Variants in LMX1A observed in about 807,000 individuals in gnomAD.
LMX1A encodes LIM homeobox transcription factor 1 alpha.
In LMX1A, 15 loss-of-function variants were observed where a neutral mutation model predicts 49.1. That is an observed-to-expected ratio of 0.31 (90% CI 0.20 to 0.47). The LOEUF is 0.47. Ranked by LOEUF, LMX1A falls within the 20% of genes least tolerant of loss-of-function variation. The pLI is 1.00. For missense variants in LMX1A, 372 were observed against 475.8 expected, an observed-to-expected ratio of 0.78 and a Z score of 2.03; for synonymous variants, 167 against 185.7, an observed-to-expected ratio of 0.90 and a Z score of 0.82.
At chr1:165,352,942 C>A (rs1352465018) in intron 3 of LMX1A, 134 bp downstream of exon 3, 7 of 934,586 alleles carry the variant, frequency 7.5e-6, no homozygotes, top group Admixed American at 6.2e-5. Flanking sequence ...TACACGACTG[C>A]GCTGAAGGGA....
intron 6 of LMX1A, 119 bp downstream of exon 6, chr1:165,210,580 G>T: frequency 1.8e-6 from 1 of 545,204 alleles, no homozygotes; most frequent in South Asian, 4.8e-5. Context: ...TTTGAATCAA[G>T]AGAACTACTC....
At chr1:165,301,916 G>T (rs552143638) in intron 3 of LMX1A, among the ~76,000 whole-genome samples, 1 of 152,148 alleles carries the variant, frequency 6.6e-6, no homozygotes, top group South Asian at 2.1e-4. Flanking sequence ...ATTGGTTGGG[G>T]GTGGGGGGAA....
At chr1:165,235,240 C>G (rs1652385506) in intron 4 of LMX1A, among the ~76,000 whole-genome samples, 2 of 152,072 alleles carry the variant, frequency 1.3e-5, no homozygotes, top group South Asian at 4.1e-4. Flanking sequence ...TCAGCTCAGT[C>G]CAAAGGAAAT....
intron 4 of LMX1A, among the ~76,000 whole-genome samples, chr1:165,242,946 A>AC (rs1491054238): frequency 1.4e-5 from 2 of 142,512 alleles, no homozygotes; most frequent in Non-Finnish European, 3.1e-5. Context: ...AAAAAAAAAA[A>AC]ACAAAACAAA....
intron 4 of LMX1A, among the ~76,000 whole-genome samples, chr1:165,221,777 G>A (rs916517858): frequency 6.6e-6 from 1 of 152,142 alleles, no homozygotes; most frequent in South Asian, 2.1e-4. Context: ...CCTTGTGCTT[G>A]GCAGGTATTC....
At chr1:165,299,617 G>A (rs1161442782) in intron 3 of LMX1A, among the ~76,000 whole-genome samples, 1 of 152,174 alleles carries the variant, frequency 6.6e-6, no homozygotes, top group Non-Finnish European at 1.5e-5. Context: ...AGTAAAAGAT[G>A]CCTTAAACCC....
intron 3 of LMX1A, among the ~76,000 whole-genome samples, chr1:165,332,482 A>G (rs923614346): frequency 4.6e-5 from 7 of 152,204 alleles, no homozygotes; most frequent in African/African-American, 1.7e-4. Context: ...CATATGAAGT[A>G]CTATCCATTT....
chr1:165,341,561 T>C (rs1044209333), intron 3 of LMX1A, among the ~76,000 whole-genome samples: 1 of 148,294 alleles, frequency 6.7e-6, no homozygotes, highest in Non-Finnish European at 1.5e-5. Flanking sequence ...GAGCTTATGG[T>C]CTAGTGACAT....
intron 3 of LMX1A, among the ~76,000 whole-genome samples, chr1:165,339,749 G>T (rs1270476011): frequency 6.6e-6 from 1 of 152,136 alleles, no homozygotes; most frequent in Non-Finnish European, 1.5e-5. Context: ...GGAAGGAGTG[G>T]TTGGGAAGGA....
chr1:165,253,126 C>G (rs1463608099), intron 3 of LMX1A, among the ~76,000 whole-genome samples: 1 of 152,162 alleles, frequency 6.6e-6, no homozygotes, highest in African/African-American at 2.4e-5. Context: ...CAAGAGGATA[C>G]AAGACAGACA....
intron 3 of LMX1A, among the ~76,000 whole-genome samples, chr1:165,307,112 T>C (rs1276217495): frequency 6.6e-6 from 1 of 152,076 alleles, no homozygotes. Flanking sequence ...TTTCCAGAAA[T>C]GACAGTGAAA....
At chr1:165,267,821 G>A (rs1175246347) in intron 3 of LMX1A, among the ~76,000 whole-genome samples, 3 of 152,210 alleles carry the variant, frequency 2.0e-5, no homozygotes, top group African/African-American at 7.2e-5. Flanking sequence ...TCAGTACTGG[G>A]GAGGTCAGTG....
intron 3 of LMX1A, among the ~76,000 whole-genome samples, chr1:165,335,256 T>C (rs1571229189): frequency 6.6e-6 from 1 of 152,188 alleles, no homozygotes; most frequent in South Asian, 2.1e-4. Context: ...AAACTGTATA[T>C]GATTTTCTTA....
chr1:165,297,746 C>T (rs1266943448), intron 3 of LMX1A, among the ~76,000 whole-genome samples: 1 of 152,170 alleles, frequency 6.6e-6, no homozygotes, highest in African/African-American at 2.4e-5. Context: ...TCCAGGGAAG[C>T]CTGTGAACCA....
At chr1:165,262,853 A>C (rs952877841) in intron 3 of LMX1A, among the ~76,000 whole-genome samples, 3 of 152,070 alleles carry the variant, frequency 2.0e-5, no homozygotes, top group Admixed American at 1.3e-4. Flanking sequence ...TCTATTTACT[A>C]TCTCCAGTTC....
In LMX1A at chr1:165,281,847, G is replaced by A. The variant is rs777732761; in HGVS notation, c.264-32207C>T. 1.0e-3 allele frequency among the ~76,000 whole-genome samples: 154 copies of A among 152,002 alleles called. 1 individual carries two copies. The highest frequency in any genetic ancestry group is 3.1e-3 in the Admixed American group (48 of 15,270). On this transcript the variant is annotated intron_variant, in intron 3 of 8. Coordinates refer to ENST00000342310, the MANE Select transcript of LMX1A (RefSeq NM_177398.4). ...ATAAATGTTCAGAAAGTTACCTGTC[G>A]ACTGACCAGCAATTCTGCTGACTTT...
chr1:165,245,631 CA>C (rs10708273), intron 4 of LMX1A, among the ~76,000 whole-genome samples: 98,316 of 142,774 alleles, frequency 0.69, 33,271 homozygotes, highest in East Asian at 0.92. Flanking sequence ...CTGACCAGGG[CA>C]AAAAAAAAAA....
chr1:165,228,521 AG>A (rs1432757599), intron 4 of LMX1A, among the ~76,000 whole-genome samples: 1 of 152,206 alleles, frequency 6.6e-6, no homozygotes, highest in African/African-American at 2.4e-5. Flanking sequence ...TTAGTTCTTC[AG>A]GGTGACAAAG....
chr1:165,213,354 C>T, intron 5 of LMX1A: 1 of 324,882 alleles, frequency 3.1e-6, no homozygotes. Flanking sequence ...CCACAATGGA[C>T]ACCTATCATT....
Sources: gnomAD v4.1 joint callset for allele counts (sites outside exome capture counted in the v4.1 genomes callset) on GRCh38, gnomAD v4.1.1 for gene constraint, MANE v1.5 for transcripts, NCBI Gene and HGNC (gene_info 2026-07-23, HGNC 2026-07-21) for gene names.